LINGO2: variants seen among roughly 807,000 people sequenced by gnomAD.
LINGO2 encodes leucine rich repeat and Ig domain containing 2.
Under a neutral mutation model 30.6 loss-of-function variants are expected in LINGO2, and 14 were observed. That is an observed-to-expected ratio of 0.46 (90% CI 0.30 to 0.72). The LOEUF (loss-of-function observed/expected upper bound fraction) is 0.72, where lower values mean the gene tolerates loss of function less well. Among genes scored for constraint, LINGO2 ranks in the 30% least tolerant of loss-of-function variants. LINGO2 has a pLI of 0.07. For missense variants in LINGO2, 729 were observed against 751.7 expected, an observed-to-expected ratio of 0.97 and a Z score of 0.35; for synonymous variants, 317 against 288.5, an observed-to-expected ratio of 1.10 and a Z score of -1.00.
At chr9:28,916,715 A>G in the LINGO2 span, among the ~76,000 whole-genome samples, 140 of 152,350 alleles carry the variant, frequency 9.2e-4, no homozygotes, top group Middle Eastern at 6.8e-3. Flanking sequence ...CCTTGGGAAC[A>G]TGTTCTCAGG....
At chr9:28,073,509 C>A (rs1362555206) in intron 4 of LINGO2, among the ~76,000 whole-genome samples, 1 of 152,048 alleles carries the variant, frequency 6.6e-6, no homozygotes, top group Non-Finnish European at 1.5e-5. Context: ...GGGAATTAAC[C>A]CTTTAAGTCT....
At chr9:28,176,106 C>T (rs1316248151) in intron 4 of LINGO2, among the ~76,000 whole-genome samples, 1 of 152,202 alleles carries the variant, frequency 6.6e-6, no homozygotes, top group African/African-American at 2.4e-5. Flanking sequence ...GTATTATGCT[C>T]AAAATTATTC....
At chr9:28,438,884 G>T (rs1054549229) in intron 2 of LINGO2, among the ~76,000 whole-genome samples, 1 of 137,296 alleles carries the variant, frequency 7.3e-6, no homozygotes, top group African/African-American at 2.7e-5. Flanking sequence ...TATATATAGT[G>T]AAATATATAT....
intron 1 of LINGO2, among the ~76,000 whole-genome samples, chr9:28,479,259 C>A (rs1427834153): frequency 6.6e-6 from 1 of 151,758 alleles, no homozygotes; most frequent in African/African-American, 2.4e-5. Flanking sequence ...TTCAGTTATG[C>A]TCAGCCTTGT....
chr9:28,982,823 C>T, the LINGO2 span, among the ~76,000 whole-genome samples: 3 of 152,018 alleles, frequency 2.0e-5, no homozygotes, highest in Middle Eastern at 3.4e-3. Flanking sequence ...AAAACTTTAC[C>T]TTGCAGATAC....
intron 4 of LINGO2, among the ~76,000 whole-genome samples, chr9:28,146,756 T>C (rs1587080476): frequency 6.6e-6 from 1 of 152,210 alleles, no homozygotes; most frequent in Non-Finnish European, 1.5e-5. Flanking sequence ...TGGTGAATAG[T>C]TGACCGAGCT....
the LINGO2 span, among the ~76,000 whole-genome samples, chr9:29,082,698 T>C: frequency 6.6e-6 from 1 of 152,040 alleles, no homozygotes; most frequent in Non-Finnish European, 1.5e-5. Flanking sequence ...AAAGGGCTAA[T>C]ATCCAGAATC....
chr9:29,188,708 C>CCCCA, the LINGO2 span, among the ~76,000 whole-genome samples: 1 of 139,252 alleles, frequency 7.2e-6, no homozygotes, highest in Non-Finnish European at 1.6e-5. Flanking sequence ...GGGGGCTGAC[C>CCCCA]CCCCCACCTC....
the LINGO2 span, among the ~76,000 whole-genome samples, chr9:28,871,405 A>G: frequency 3.3e-5 from 5 of 151,864 alleles, no homozygotes; most frequent in Admixed American, 2.6e-4. Context: ...GTTTATTTTT[A>G]GGAAATAGGA....
At chr9:28,211,287 CTTT>C (rs202167511) in intron 4 of LINGO2, among the ~76,000 whole-genome samples, 7 of 140,138 alleles carry the variant, frequency 5.0e-5, no homozygotes, top group Admixed American at 7.2e-5. Context: ...CTCCAAATTC[CTTT>C]TTTTTTTTTT....
In LINGO2 at chr9:28,412,222, CT is replaced by C. The variant is rs533530248; in HGVS notation, c.-278-39355del. On this transcript the variant is annotated intron_variant, in intron 2 of 5. Coordinates refer to ENST00000379992, the Ensembl canonical transcript of LINGO2. ...AAAAAAAAACCTTGTTAATTTGTTTCTTTAAAAAGCAGTTTAGTGGTGGGGT... is the reference window on the plus strand; with the variant it reads ...AAAAAAAAACCTTGTTAATTTGTTTCTTAAAAAGCAGTTTAGTGGTGGGGT... Among the ~76,000 whole-genome samples the C allele has an allele frequency of 1.2e-4, 13 of 108,966 alleles. No individual in the cohort carries two copies. In the South Asian group the frequency reaches 3.6e-3, roughly 30 times the overall value. 71.5% of individuals were successfully genotyped at this position (108,966 alleles called of 152,430 possible). A position where few individuals can be genotyped will look rare whatever the true frequency, so the allele number is the denominator to read the frequency against.
chr9:28,866,818 AGG>A, the LINGO2 span, among the ~76,000 whole-genome samples: 3 of 152,188 alleles, frequency 2.0e-5, no homozygotes, highest in Non-Finnish European at 4.4e-5. Context: ...GGCTCCAACT[AGG>A]CATCAGGTTT....
intron 4 of LINGO2, among the ~76,000 whole-genome samples, chr9:28,062,933 C>T (rs756284630): frequency 2.6e-5 from 4 of 152,018 alleles, no homozygotes; most frequent in Non-Finnish European, 5.9e-5. Flanking sequence ...CACGAATTTA[C>T]TATCTCTATA....
chr9:28,714,612 A>G, the LINGO2 span, among the ~76,000 whole-genome samples: 1 of 152,094 alleles, frequency 6.6e-6, no homozygotes, highest in Non-Finnish European at 1.5e-5. Flanking sequence ...TGGTGTTTTA[A>G]TGAGCAAGAT....
chr9:28,861,199 TTA>T, the LINGO2 span, among the ~76,000 whole-genome samples: 1 of 110,438 alleles, frequency 9.1e-6, no homozygotes. Context: ...ATTTTATATA[TTA>T]TATATTTTTT....
chr9:28,548,345 G>T (rs746183996), intron 1 of LINGO2, among the ~76,000 whole-genome samples: 4 of 152,012 alleles, frequency 2.6e-5, no homozygotes, highest in African/African-American at 9.7e-5. Flanking sequence ...CACAGTAAAC[G>T]TAGTTACACT....
chr9:28,794,691 C>T, the LINGO2 span, among the ~76,000 whole-genome samples: 1 of 151,926 alleles, frequency 6.6e-6, no homozygotes, highest in African/African-American at 2.4e-5. Flanking sequence ...TTAGAAAACT[C>T]TAATTGTCTA....
the LINGO2 span, among the ~76,000 whole-genome samples, chr9:29,065,650 G>C: frequency 6.6e-6 from 1 of 151,902 alleles, no homozygotes; most frequent in Non-Finnish European, 1.5e-5. Flanking sequence ...TACTGAAACT[G>C]AAGTCTGCTT....
intron 4 of LINGO2, among the ~76,000 whole-genome samples, chr9:28,171,740 G>C (rs1324732690): frequency 6.6e-6 from 1 of 151,962 alleles, no homozygotes; most frequent in Non-Finnish European, 1.5e-5. Flanking sequence ...CGGGTGTGGT[G>C]GCTCGCGCCT....
Sources: gnomAD v4.1 joint callset for allele counts (sites outside exome capture counted in the v4.1 genomes callset) on GRCh38, gnomAD v4.1.1 for gene constraint, MANE v1.5 for transcripts, NCBI Gene and HGNC (gene_info 2026-07-23, HGNC 2026-07-21) for gene names.